Variants in ADAMTSL1 observed in about 807,000 individuals in gnomAD.
ADAMTSL1 encodes ADAMTS-like protein 1.
In ADAMTSL1, 126 loss-of-function variants were observed where a neutral mutation model predicts 201.8. The ratio of observed to expected loss-of-function variants is 0.62; its 90% CI spans 0.54 to 0.72. The LOEUF is 0.72. ADAMTSL1 is among the 30% of genes least tolerant of loss of function. The pLI is 0.00. For missense variants in ADAMTSL1, 2,679 were observed against 2,277.8 expected (o/e 1.18, Z -3.59); for synonymous variants, 1,121 against 903.4 (o/e 1.24, Z -4.32).
At chr9:18,858,237 C>G (rs1826990146) in intron 23 of ADAMTSL1, among the ~76,000 whole-genome samples, 1 of 152,118 alleles carries the variant, frequency 6.6e-6, no homozygotes, top group Non-Finnish European at 1.5e-5. Context: ...CTATCATTAA[C>G]ACACTTTCTT....
At chr9:18,243,941 G>T (rs1002862721) in intron 2 of ADAMTSL1, among the ~76,000 whole-genome samples, 1 of 151,744 alleles carries the variant, frequency 6.6e-6, no homozygotes, top group Non-Finnish European at 1.5e-5. Flanking sequence ...AATGCTTAGT[G>T]CAGTCATATG....
chr9:17,953,462 T>C (rs1827807487), intron 1 of ADAMTSL1, among the ~76,000 whole-genome samples: 1 of 152,160 alleles, frequency 6.6e-6, no homozygotes, highest in South Asian at 2.1e-4. Flanking sequence ...GAAATTTCAT[T>C]TGTGGTAATT....
intron 26 of ADAMTSL1, chr9:18,905,511 C>A (rs574362686): frequency 3.3e-5 from 15 of 455,136 alleles, no homozygotes; most frequent in African/African-American, 2.2e-4. Flanking sequence ...TATGATTAAT[C>A]TGAGAGGAGC....
chr9:18,580,809 G>A (rs942116389), intron 4 of ADAMTSL1, among the ~76,000 whole-genome samples: 1 of 152,122 alleles, frequency 6.6e-6, no homozygotes, highest in African/African-American at 2.4e-5. Flanking sequence ...GATAGTCCCT[G>A]CCCTTCCAGA....
At chr9:18,801,346 A>G (rs190583154) in intron 20 of ADAMTSL1, among the ~76,000 whole-genome samples, 57 of 152,344 alleles carry the variant, frequency 3.7e-4, no homozygotes, top group Middle Eastern at 3.4e-3. Context: ...AAACTTATAT[A>G]GTTATGTAAC....
chr9:18,461,625 G>GA (rs1054526039), intron 2 of ADAMTSL1, among the ~76,000 whole-genome samples: 6 of 151,120 alleles, frequency 4.0e-5, no homozygotes, highest in East Asian at 1.9e-4. Context: ...AAAGTTTAAA[G>GA]AAAAAAAAAT....
rs373090397 is a variant in ADAMTSL1, at chr9:18,349,558, A to G, written c.208-155271A>G. Among the ~76,000 whole-genome samples, 143 of 152,306 alleles carry G rather than the reference A, an allele frequency of 9.4e-4. 3 individuals carry two copies. The South Asian group carries it at 0.028, about 30-fold the overall frequency. On this transcript the variant is annotated intron_variant, in intron 2 of 29. Transcript: ENST00000680146. ...TATTGGGAGGATTTTAAAAGGTGTA[A>G]TGCAATTGTGTGGCATATAAAACGG...
chr9:18,499,817 CTA>C (rs967593901), intron 1 of ADAMTSL1, among the ~76,000 whole-genome samples: 3 of 152,224 alleles, frequency 2.0e-5, no homozygotes, highest in Non-Finnish European at 4.4e-5. Flanking sequence ...TTCTCTTATA[CTA>C]TAACTTCAGC....
intron 16 of ADAMTSL1, among the ~76,000 whole-genome samples, chr9:18,763,895 T>A (rs1820216425): frequency 6.6e-6 from 1 of 152,214 alleles, no homozygotes; most frequent in Non-Finnish European, 1.5e-5. Context: ...TTGCTCTGTA[T>A]TATAATTTGA....
chr9:18,160,787 C>T (rs1349122676), intron 1 of ADAMTSL1, among the ~76,000 whole-genome samples: 2 of 151,428 alleles, frequency 1.3e-5, no homozygotes, highest in Non-Finnish European at 2.9e-5. Context: ...TCAAGCAATC[C>T]TCCCACCTCA....
intron 25 of ADAMTSL1, 40 bp downstream of exon 25, chr9:18,889,788 G>T (rs770462561): frequency 9.9e-6 from 14 of 1,420,644 alleles, no homozygotes; most frequent in Non-Finnish European, 1.3e-5. Flanking sequence ...CCCCACCCTA[G>T]GAGGAGCCCT....
At chr9:18,519,912 G>A (rs1342579050) in intron 2 of ADAMTSL1, among the ~76,000 whole-genome samples, 1 of 152,102 alleles carries the variant, frequency 6.6e-6, no homozygotes, top group African/African-American at 2.4e-5. Flanking sequence ...CTGATTACAT[G>A]AGTATACTCC....
chr9:18,064,894 T>C (rs1293890446), intron 1 of ADAMTSL1, among the ~76,000 whole-genome samples: 2 of 151,000 alleles, frequency 1.3e-5, no homozygotes, highest in African/African-American at 4.9e-5. Context: ...TTTGGTTGTC[T>C]ATTATAACTA....
intron 14 of ADAMTSL1, among the ~76,000 whole-genome samples, chr9:18,710,493 G>T (rs890317616): frequency 6.6e-6 from 1 of 152,090 alleles, no homozygotes; most frequent in African/African-American, 2.4e-5. Context: ...CTGCTTCTTA[G>T]TCTCAGCACT....
At chr9:17,951,566 T>G (rs1322644281) in intron 1 of ADAMTSL1, among the ~76,000 whole-genome samples, 2 of 152,102 alleles carry the variant, frequency 1.3e-5, no homozygotes, top group African/African-American at 4.8e-5. Flanking sequence ...AATCCCTTTC[T>G]CTAGGTTTCT....
At chr9:18,057,418 G>T (rs577777798) in intron 1 of ADAMTSL1, among the ~76,000 whole-genome samples, 4 of 152,134 alleles carry the variant, frequency 2.6e-5, no homozygotes, top group Non-Finnish European at 4.4e-5. Context: ...AATTAGTTCT[G>T]TTCTCCCAAT....
intron 20 of ADAMTSL1, 96 bp from the exon 21 acceptor site, chr9:18,817,013 C>G: frequency 6.8e-7 from 1 of 1,470,964 alleles, no homozygotes. Context: ...TCTGGGTAGA[C>G]CAGCCATGCA....
chr9:18,622,213 G>C (rs371067324), intron 4 of ADAMTSL1, 30 bp from the exon 5 acceptor site: 16 of 1,610,466 alleles, frequency 9.9e-6, no homozygotes, highest in Non-Finnish European at 1.3e-5. Context: ...TAGGTGCTTG[G>C]TTGAATTACA....
At chr9:18,702,935 G>C (rs567502910) in intron 13 of ADAMTSL1, among the ~76,000 whole-genome samples, 190 of 151,914 alleles carry the variant, frequency 1.3e-3, no homozygotes, top group Non-Finnish European at 1.9e-3. Flanking sequence ...GCTAATTTTT[G>C]TATCTTTATA....
Sources: allele counts gnomAD v4.1 joint callset (sites outside exome capture counted in the v4.1 genomes callset), GRCh38; gene constraint gnomAD v4.1.1; transcripts MANE v1.5; gene names NCBI Gene and HGNC (gene_info 2026-07-23, HGNC 2026-07-21).